The following THOP1 variants were observed in gnomAD, a reference collection of about 807,000 sequenced individuals.
THOP1 encodes the protein thimet oligopeptidase.
A neutral mutation model predicts 71.8 loss-of-function variants in THOP1; 49 were observed. The ratio of observed to expected loss-of-function variants is 0.68; its 90% CI spans 0.54 to 0.87. The LOEUF is 0.87. Ranked by LOEUF, THOP1 falls within the 40% of genes least tolerant of loss-of-function variation. The pLI is 0.00. For missense variants in THOP1, 843 were observed against 975.6 expected (o/e 0.86, Z 1.81); for synonymous variants, 426 against 421.5 (o/e 1.01, Z -0.13).
Position 2,808,460 on chromosome 19 carries a change from G to A in THOP1, c.1455+16G>A. ...CTGCTCCCAGGTGGGTGCGGGCCCG[G>A]GCAGGGGCAGGGGCAGGGGCAGGGG... On this transcript the variant is annotated intron_variant, in intron 9 of 12. Transcript: ENST00000307741. 6.9e-7 allele frequency: 1 copy of A among 1,440,540 alleles called. No individual in the cohort carries two copies. Among genetic ancestry groups the A allele is most frequent in the South Asian group, 1.7e-5 (1 of 58,950 alleles). 89.2% of individuals were successfully genotyped at this position (1,440,540 alleles called of 1,614,324 possible).
At chr19:2,806,771 T>G in intron 6 of THOP1, 146 bp from the exon 7 acceptor site, 2 of 1,371,006 alleles carry the variant, frequency 1.5e-6, no homozygotes, top group Non-Finnish European at 2.0e-6. Flanking sequence ...ACCAGAGGAG[T>G]TGTGTAGTAA....
chr19:2,810,122 C>T, intron 9 of THOP1, 182 bp from the exon 10 acceptor site: 1 of 739,754 alleles, frequency 1.4e-6, no homozygotes, highest in Non-Finnish European at 2.1e-6. Flanking sequence ...CCACCGGCAG[C>T]CAGCAGCAGC....
intron 4 of THOP1, among the ~76,000 whole-genome samples, chr19:2,798,684 G>T (rs1239089397): frequency 6.6e-6 from 1 of 152,260 alleles, no homozygotes; most frequent in Non-Finnish European, 1.5e-5. Flanking sequence ...CTGAACCAGG[G>T]CCTTCCTGAC....
At chr19:2,788,800 G>A (rs910978814) in intron 1 of THOP1, among the ~76,000 whole-genome samples, 8 of 151,842 alleles carry the variant, frequency 5.3e-5, no homozygotes, top group Non-Finnish European at 7.4e-5. Context: ...TTGCTTTGTC[G>A]CCTAGGCTAG....
At chr19:2,797,267 C>CGAGACTAGTT (rs1167749832) in intron 4 of THOP1, among the ~76,000 whole-genome samples, 1 of 151,908 alleles carries the variant, frequency 6.6e-6, no homozygotes, top group East Asian at 1.9e-4. Flanking sequence ...TGTAGGGGCT[C>CGAGACTAGTT]GAGACTAGTT....
At chr19:2,811,488 C>G in intron 11 of THOP1, 110 bp from the exon 12 acceptor site, 1 of 1,429,870 alleles carries the variant, frequency 7.0e-7, no homozygotes, top group South Asian at 1.4e-5. Flanking sequence ...GATCCTCCAG[C>G]TTCTCCCTGT....
Position 2,803,050 on chromosome 19 carries a change from G to C in THOP1, c.590-1966G>C, listed in dbSNP as rs143214402. On this transcript the variant is annotated intron_variant, in intron 5 of 12. Transcript: ENST00000307741. ...TACTGTGGGGCGCGCGGTACCGCAG[G>C]CTCGGCCTCTGAGCCCACTCTTACT... 3.7e-4 allele frequency among the ~76,000 whole-genome samples: 57 copies of C among 152,278 alleles called. No homozygotes were observed. In the East Asian group the frequency reaches 0.011, roughly 29 times the overall value.
intron 4 of THOP1, among the ~76,000 whole-genome samples, 197 bp downstream of exon 4, chr19:2,796,385 G>A (rs972679010): frequency 6.7e-6 from 1 of 149,454 alleles, no homozygotes; most frequent in African/African-American, 2.5e-5. Context: ...GCTGCGTCCC[G>A]GGGAGTGCTG....
intron 12 of THOP1, chr19:2,812,346 T>C: frequency 1.3e-6 from 2 of 1,532,460 alleles, no homozygotes; most frequent in Non-Finnish European, 1.7e-6. Flanking sequence ...CCTGCCTGGG[T>C]GCAACATTGC....
In THOP1 at chr19:2,807,422, C is replaced by A; in HGVS notation, c.887-20C>A. 6.4e-7 allele frequency: 1 copy of A among 1,563,394 alleles called. No homozygotes were observed. Reference sequence around the variant, plus strand: ...AGGAGCCCGCGAGGCGAGAGGCCCACCTTTCTGCCCTCCCCGCAGATGAGC... The same window carrying A: ...AGGAGCCCGCGAGGCGAGAGGCCCAACTTTCTGCCCTCCCCGCAGATGAGC... On this transcript the variant is annotated intron_variant, in intron 7 of 12. Coordinates refer to ENST00000307741, the MANE Select transcript of THOP1 (RefSeq NM_003249.5).
At position 2,804,821 on chromosome 19, in the gene THOP1, A is replaced by T. The variant is rs1236116865; in HGVS notation, c.590-195A>T. Among the ~76,000 whole-genome samples, 1 of 151,312 alleles carries T rather than the reference A, an allele frequency of 6.6e-6. No homozygotes were observed. Among genetic ancestry groups the T allele is most frequent in the Non-Finnish European group, 1.5e-5 (1 of 67,844 alleles). On this transcript the variant is annotated intron_variant, in intron 5 of 12. Coordinates refer to ENST00000307741, the MANE Select transcript of THOP1 (RefSeq NM_003249.5). The surrounding 1 kb of genome is among the most constrained non-coding windows in gnomAD (Gnocchi z 4.7). ...GCAGGTGGTGGCCAGGCTGTGGGGG[A>T]GCCAGGGTATTTCTTGATGGGGTTA...
At chr19:2,810,256 G>A (rs1365159746) in intron 9 of THOP1, 48 bp from the exon 10 acceptor site, 13 of 1,586,778 alleles carry the variant, frequency 8.2e-6, no homozygotes, top group Non-Finnish European at 6.8e-6. Flanking sequence ...CGGCGGGAAC[G>A]GGCTAGGCAG....
intron 1 of THOP1, 92 bp downstream of exon 1, chr19:2,785,770 A>C: frequency 8.2e-7 from 1 of 1,216,472 alleles, no homozygotes; most frequent in South Asian, 3.2e-5. Context: ...GAGCGAAGCG[A>C]CCCCCGAGCC....
Position 2,815,426 on chromosome 19 carries a change from G to A in THOP1, c.*2150G>A, listed in dbSNP as rs1390584253. The A allele has an allele frequency of 6.6e-6, 1 of 152,508 alleles. No individual in the cohort carries two copies. The highest frequency in any genetic ancestry group is 1.5e-5 in the Non-Finnish European group (1 of 68,254). 9.4% of individuals were successfully genotyped at this position (152,508 alleles called of 1,614,324 possible). On this transcript the variant is annotated 3_prime_UTR_variant, in exon 13 of 13. Coordinates refer to ENST00000307741, the MANE Select transcript of THOP1 (RefSeq NM_003249.5). ...GGCAGCCCCCCGCGGTGCTTCGCAA[G>A]TTGGGCCGCCTCCCCCAGCATGTCC... is the stretch of plus-strand genomic sequence containing the variant.
rs1916553116 is a variant in THOP1 at position 2,813,972 on chromosome 19, CCT to C, written c.*700_*701del. ...GGGCTGGGGGTCAGCAGCTGCCCAC[CCT>C]CTCATCCACAGGGGAAGGCCGGGCT... On this transcript the variant is annotated 3_prime_UTR_variant, in exon 13 of 13. Transcript: ENST00000307741. 1 of 152,560 alleles carries C rather than the reference CCT, an allele frequency of 6.6e-6. No homozygotes were observed. The highest frequency in any genetic ancestry group is 1.5e-5 in the Non-Finnish European group (1 of 68,336). The allele number at this position is 152,560 out of a possible 1,614,324, so 9.5% of individuals were successfully genotyped here. A position where few individuals can be genotyped will look rare whatever the true frequency, so the allele number is the denominator to read the frequency against.
At chr19:2,808,528 G>A (rs1046222901) in intron 9 of THOP1, 84 bp downstream of exon 9, 43 of 1,408,984 alleles carry the variant, frequency 3.1e-5, no homozygotes, top group Middle Eastern at 4.6e-4. Context: ...CTGGGGCTTC[G>A]GCTTCCGGCT....
At chr19:2,807,946 G>T in intron 8 of THOP1, 138 bp downstream of exon 8, 1 of 1,076,054 alleles carries the variant, frequency 9.3e-7, no homozygotes. Flanking sequence ...CGTAGCACCC[G>T]TGGGCACACC....
chr19:2,810,846 C>T lies in THOP1; in HGVS notation c.1771+78C>T. The T allele has an allele frequency of 3.3e-6, 5 of 1,517,330 alleles. No individual in the cohort carries two copies. In the South Asian group the frequency reaches 6.2e-5, roughly 19 times the overall value. The allele number at this position is 1,517,330 out of a possible 1,614,324, so 94.0% of individuals were successfully genotyped here. On this transcript the variant is annotated intron_variant, in intron 11 of 12. Coordinates refer to ENST00000307741, the MANE Select transcript of THOP1 (RefSeq NM_003249.5). Reference sequence around the variant, plus strand: ...CCTGGGAAGGTGAAGGGAGTTGGTCCCCATGCTTCACTTAGCAAGTGCAGG... The same window carrying T: ...CCTGGGAAGGTGAAGGGAGTTGGTCTCCATGCTTCACTTAGCAAGTGCAGG...
chr19:2,812,477 C>G (rs1599534972), intron 12 of THOP1: 1 of 1,287,258 alleles, frequency 7.8e-7, no homozygotes, highest in East Asian at 2.9e-5. Context: ...TCTTCACAGC[C>G]CAGCAGGGAC....
Sources: gnomAD v4.1 joint callset for allele counts (sites outside exome capture counted in the v4.1 genomes callset) on GRCh38, gnomAD v4.1.1 for gene constraint, Gnocchi (gnomAD v3.1) non-coding constraint, MANE v1.5 for transcripts, NCBI Gene and HGNC (gene_info 2026-07-23, HGNC 2026-07-21) for gene names.